The following SLC25A42 variants were observed in gnomAD, a reference collection of about 807,000 sequenced individuals.
SLC25A42 encodes the protein mitochondrial coenzyme A transporter SLC25A42.
A neutral mutation model predicts 34.7 loss-of-function variants in SLC25A42; 19 were observed. That is an observed-to-expected ratio of 0.55 (90% CI 0.38 to 0.80). The LOEUF (loss-of-function observed/expected upper bound fraction) is 0.80, where lower values mean the gene tolerates loss of function less well. Ranked by LOEUF, SLC25A42 falls within the 30% of genes least tolerant of loss-of-function variation. SLC25A42 has a pLI of 0.00. For missense variants in SLC25A42, 364 were observed against 441.3 expected (o/e 0.82, Z 1.57); for synonymous variants, 205 against 191.2 (o/e 1.07, Z -0.59).
intron 1 of SLC25A42, among the ~76,000 whole-genome samples, chr19:19,072,869 C>T (rs1319574037): frequency 6.6e-6 from 1 of 151,966 alleles, no homozygotes; most frequent in Non-Finnish European, 1.5e-5. Context: ...GACAGGGCCT[C>T]ACTCTGTCAC....
At chr19:19,070,991 CTTT>C (rs35787720) in intron 1 of SLC25A42, among the ~76,000 whole-genome samples, 21 of 117,204 alleles carry the variant, frequency 1.8e-4, no homozygotes, top group East Asian at 7.7e-4. Context: ...TGCATACCGT[CTTT>C]TTTTTTTTTT....
chr19:19,075,611 G>C (rs1461267735), intron 1 of SLC25A42, among the ~76,000 whole-genome samples: 1 of 152,172 alleles, frequency 6.6e-6, no homozygotes, highest in Non-Finnish European at 1.5e-5. Context: ...TGTGGGGCTG[G>C]GGGAGTACGA....
intron 2 of SLC25A42, among the ~76,000 whole-genome samples, chr19:19,101,153 G>C (rs948034018): frequency 6.6e-6 from 1 of 152,164 alleles, no homozygotes; most frequent in Non-Finnish European, 1.5e-5. Flanking sequence ...AGGGCTGTGG[G>C]GGAGCAGGGG....
chr19:19,074,980 G>A (rs1167564088), intron 1 of SLC25A42, among the ~76,000 whole-genome samples: 2 of 151,922 alleles, frequency 1.3e-5, no homozygotes, highest in East Asian at 1.9e-4. Context: ...GCAAGACCCC[G>A]TCTCTACTAA....
chr19:19,074,336 T>C (rs2059645271), intron 1 of SLC25A42, among the ~76,000 whole-genome samples: 1 of 152,196 alleles, frequency 6.6e-6, no homozygotes, highest in South Asian at 2.1e-4. Context: ...GCAGCCATTA[T>C]GTAAGATGTG....
Position 19,110,890 on chromosome 19 carries a change from G to T in SLC25A42, c.*14G>T. 6.2e-7 allele frequency: 1 copy of T among 1,613,226 alleles called. No homozygotes were observed. Among genetic ancestry groups the T allele is most frequent in the South Asian group, 1.1e-5 (1 of 91,074 alleles). On this transcript the variant is annotated 3_prime_UTR_variant, in exon 8 of 8. Coordinates refer to ENST00000318596, the MANE Select transcript of SLC25A42 (RefSeq NM_178526.5). ...CTGCAGAGCTAGGGGACCCTGAGCTGCTCTCAGGACGGTGGACCGGTGACC... is the reference window on the plus strand; with the variant it reads ...CTGCAGAGCTAGGGGACCCTGAGCTTCTCTCAGGACGGTGGACCGGTGACC...
chr19:19,068,606 T>G (rs1005007774), intron 1 of SLC25A42, among the ~76,000 whole-genome samples: 9 of 151,838 alleles, frequency 5.9e-5, no homozygotes, highest in South Asian at 2.1e-4. Flanking sequence ...AGGCGGAGGT[T>G]GCAGCGAGCC....
intron 1 of SLC25A42, among the ~76,000 whole-genome samples, chr19:19,087,223 G>A (rs535351603): frequency 2.0e-5 from 3 of 151,616 alleles, no homozygotes; most frequent in Non-Finnish European, 4.4e-5. Flanking sequence ...GTCTTTCTGT[G>A]CCTGGTTTAT....
In SLC25A42 at chr19:19,109,910, T is replaced by TC. The variant is rs1414390376; in HGVS notation, c.650-655dup. Among the ~76,000 whole-genome samples the TC allele has an allele frequency of 6.6e-6, 1 of 152,108 alleles. No individual in the cohort carries two copies. The highest frequency in any genetic ancestry group is 2.4e-5 in the African/African-American group (1 of 41,398). On this transcript the variant is annotated intron_variant, in intron 7 of 7. Transcript: ENST00000318596. The surrounding 1 kb of genome is among the most constrained non-coding windows in gnomAD (Gnocchi z 4.1). ...ACTCTGTGCAACAGCTCGCAGGGGC[T>TC]CCCCAGGGAGGGCGCAGGTCGGGGA...
intron 4 of SLC25A42, chr19:19,105,238 G>A: frequency 1.7e-6 from 1 of 573,688 alleles, no homozygotes. Context: ...AACTGTAAAA[G>A]CTGGGATGCC....
chr19:19,076,495 CT>C (rs1317399702), intron 1 of SLC25A42, among the ~76,000 whole-genome samples: 1 of 151,956 alleles, frequency 6.6e-6, no homozygotes, highest in East Asian at 1.9e-4. Context: ...AACAGGTGTT[CT>C]CCACAGGTTG....
At chr19:19,064,382 C>G (rs911873437) in intron 1 of SLC25A42, among the ~76,000 whole-genome samples, 2 of 151,578 alleles carry the variant, frequency 1.3e-5, no homozygotes, top group Non-Finnish European at 2.9e-5. Flanking sequence ...GCCTTGTCCC[C>G]GGCGCCCCGC....
At chr19:19,095,150 G>A (rs1367421820) in intron 1 of SLC25A42, among the ~76,000 whole-genome samples, 2 of 151,940 alleles carry the variant, frequency 1.3e-5, no homozygotes, top group Non-Finnish European at 1.5e-5. Context: ...GCAGTGAACC[G>A]AGATCATGCC....
intron 3 of SLC25A42, among the ~76,000 whole-genome samples, chr19:19,102,285 A>G (rs1462350502): frequency 6.6e-6 from 1 of 151,930 alleles, no homozygotes; most frequent in Non-Finnish European, 1.5e-5. Context: ...CTGGGATTAC[A>G]GACTTGAGCC....
intron 1 of SLC25A42, among the ~76,000 whole-genome samples, chr19:19,082,160 G>A (rs1038733864): frequency 6.6e-6 from 1 of 152,166 alleles, no homozygotes; most frequent in Non-Finnish European, 1.5e-5. Context: ...ATGTGGAGGC[G>A]TAAAGCAACA....
intron 2 of SLC25A42, among the ~76,000 whole-genome samples, chr19:19,097,477 G>A (rs2059771785): frequency 6.6e-6 from 1 of 152,234 alleles, no homozygotes; most frequent in Non-Finnish European, 1.5e-5. Context: ...CCCACCACGT[G>A]GACAAGCTTG....
intron 1 of SLC25A42, among the ~76,000 whole-genome samples, chr19:19,069,349 G>A (rs2145895998): frequency 6.6e-6 from 1 of 152,306 alleles, no homozygotes; most frequent in East Asian, 1.9e-4. Flanking sequence ...CCAGCTGAGG[G>A]GCAGGCCAAC....
intron 3 of SLC25A42, among the ~76,000 whole-genome samples, chr19:19,103,904 A>ATTTG: frequency 6.7e-6 from 1 of 149,532 alleles, no homozygotes; most frequent in African/African-American, 2.5e-5. Flanking sequence ...TTATTTATTT[A>ATTTG]TTTATTTATT....
chr19:19,064,368 T>C (rs1218993915), intron 1 of SLC25A42, among the ~76,000 whole-genome samples: 2 of 151,328 alleles, frequency 1.3e-5, no homozygotes, highest in African/African-American at 4.9e-5. Flanking sequence ...CCCACACCCC[T>C]GGGGCCTTGT....
Sources: gnomAD v4.1 joint callset for allele counts (sites outside exome capture counted in the v4.1 genomes callset) on GRCh38, gnomAD v4.1.1 for gene constraint, Gnocchi (gnomAD v3.1) non-coding constraint, MANE v1.5 for transcripts, NCBI Gene and HGNC (gene_info 2026-07-23, HGNC 2026-07-21) for gene names.